SV2C: variants seen among roughly 807,000 people sequenced by gnomAD.
The protein encoded by SV2C is synaptic vesicle glycoprotein 2C, also known as solute carrier family 22 member B3.
Under a neutral mutation model 79.7 loss-of-function variants are expected in SV2C, and 49 were observed. The ratio of observed to expected loss-of-function variants is 0.61; its 90% confidence interval spans 0.49 to 0.78. SV2C has a LOEUF of 0.78. SV2C is among the 30% of genes least tolerant of loss of function. SV2C has a pLI of 0.00. For missense variants in SV2C, 833 were observed against 912.9 expected (o/e 0.91, Z 1.13); for synonymous variants, 334 against 333.2 (o/e 1.00, Z -0.03).
the SV2C span, among the ~76,000 whole-genome samples, chr5:75,869,424 T>C: frequency 1.3e-5 from 2 of 152,138 alleles, no homozygotes; most frequent in African/African-American, 4.8e-5. Flanking sequence ...CATCTGCCTT[T>C]GGAAAGGGGA....
chr5:75,904,922 A>G, the SV2C span, among the ~76,000 whole-genome samples: 1 of 152,228 alleles, frequency 6.6e-6, no homozygotes, highest in Non-Finnish European at 1.5e-5. Context: ...GAGAAAACAG[A>G]GTCCCTTCTG....
intron 4 of SV2C, among the ~76,000 whole-genome samples, chr5:76,249,078 C>T (rs979907141): frequency 1.3e-5 from 2 of 152,046 alleles, no homozygotes; most frequent in South Asian, 2.1e-4. Context: ...ATATTTATAT[C>T]CTTAATAAAC....
the SV2C span, among the ~76,000 whole-genome samples, chr5:76,016,254 T>TAAAAA: frequency 3.8e-4 from 34 of 90,370 alleles, 1 homozygote; most frequent in East Asian, 1.2e-3. Context: ...TTTAATTTTC[T>TAAAAA]AAAAAAAAAA....
chr5:76,229,099 A>C (rs10067792), intron 4 of SV2C, among the ~76,000 whole-genome samples: 1 of 152,264 alleles, frequency 6.6e-6, no homozygotes, highest in East Asian at 1.9e-4. Context: ...CTGAGAAAGC[A>C]GGGAAATTTC....
chr5:76,338,647 CTTTTTCTTTTTCT>C (rs981529909), downstream of SV2C, among the ~76,000 whole-genome samples: 17 of 130,496 alleles, frequency 1.3e-4, no homozygotes, highest in African/African-American at 3.7e-4. Context: ...TTTTCTTTTT[CTTTTTCTTTTTCT>C]TTTTTTTTTT....
intron 4 of SV2C, among the ~76,000 whole-genome samples, chr5:76,244,299 G>C (rs1745881069): frequency 6.6e-6 from 1 of 152,222 alleles, no homozygotes; most frequent in Admixed American, 6.5e-5. Context: ...ATTGACAAAT[G>C]ATTTATAGAG....
At chr5:76,045,347 G>A in the SV2C span, among the ~76,000 whole-genome samples, 1 of 152,152 alleles carries the variant, frequency 6.6e-6, no homozygotes, top group Non-Finnish European at 1.5e-5. Context: ...TGGGCAGCAT[G>A]ATGCCTCTAG....
the SV2C span, among the ~76,000 whole-genome samples, chr5:75,874,156 C>A: frequency 6.6e-6 from 1 of 152,026 alleles, no homozygotes; most frequent in Non-Finnish European, 1.5e-5. Flanking sequence ...AAATCCTTAA[C>A]AAAATACTTG....
chr5:76,118,134 G>A (rs886247798), intron 1 of SV2C, among the ~76,000 whole-genome samples: 3 of 152,290 alleles, frequency 2.0e-5, no homozygotes, highest in South Asian at 4.1e-4. Context: ...ACTAAGATGT[G>A]AGCAGAGCTG....
At chr5:76,258,745 A>G (rs1413296453) in intron 4 of SV2C, among the ~76,000 whole-genome samples, 2 of 152,190 alleles carry the variant, frequency 1.3e-5, no homozygotes, top group African/African-American at 4.8e-5. Context: ...ATGGATTTTG[A>G]CAATCTTATG....
the SV2C span, among the ~76,000 whole-genome samples, chr5:76,070,615 AT>A: frequency 6.6e-6 from 1 of 152,166 alleles, no homozygotes; most frequent in Non-Finnish European, 1.5e-5. Context: ...GAAGGGTGGT[AT>A]GTAGAAGGTG....
At chr5:76,178,402 A>G (rs1743610595) in intron 2 of SV2C, among the ~76,000 whole-genome samples, 1 of 152,200 alleles carries the variant, frequency 6.6e-6, no homozygotes. Context: ...TTTCAGGTGT[A>G]GTATTTCCAA....
intron 1 of SV2C, among the ~76,000 whole-genome samples, chr5:76,099,364 T>TTGTGTG (rs1561214666): frequency 9.6e-6 from 1 of 104,058 alleles, no homozygotes; most frequent in African/African-American, 4.6e-5. Flanking sequence ...TTTCTTTTGC[T>TTGTGTG]CGTGTGTGTG....
the SV2C span, among the ~76,000 whole-genome samples, chr5:75,993,515 C>T: frequency 4.6e-5 from 7 of 152,022 alleles, no homozygotes; most frequent in Non-Finnish European, 8.8e-5. Context: ...ATAACTCCCA[C>T]GAAACGGACA....
chr5:75,965,827 GT>G, the SV2C span, among the ~76,000 whole-genome samples: 1 of 151,438 alleles, frequency 6.6e-6, no homozygotes, highest in Non-Finnish European at 1.5e-5. Flanking sequence ...ATTATCTCCA[GT>G]TCTCCAGAAA....
chr5:75,871,834 TACAC>T, the SV2C span, among the ~76,000 whole-genome samples: 721 of 118,832 alleles, frequency 6.1e-3, 3 homozygotes, highest in Non-Finnish European at 9.2e-3. Context: ...TATATATATA[TACAC>T]ACACACACAC....
the SV2C span, among the ~76,000 whole-genome samples, chr5:75,981,749 C>A: frequency 6.6e-6 from 1 of 151,762 alleles, no homozygotes; most frequent in East Asian, 1.9e-4. Context: ...ATGTAAAACC[C>A]AAAACTACAA....
At chr5:76,191,471 A>G (rs191908845) in intron 2 of SV2C, among the ~76,000 whole-genome samples, 160 of 152,350 alleles carry the variant, frequency 1.1e-3, no homozygotes, top group Non-Finnish European at 1.9e-3. Context: ...AAACTGATGG[A>G]CTAAAAGTTG....
the SV2C span, chr5:75,910,837 C>T: frequency 7.8e-7 from 1 of 1,280,598 alleles, no homozygotes; most frequent in Non-Finnish European, 1.1e-6. Context: ...ATGTCTTCTA[C>T]AGGGAAATGA....
Sources: gnomAD v4.1 joint callset for allele counts (sites outside exome capture counted in the v4.1 genomes callset) on GRCh38, gnomAD v4.1.1 for gene constraint, MANE v1.5 for transcripts, NCBI Gene and HGNC (gene_info 2026-07-23, HGNC 2026-07-21) for gene names.